The following RBFOX1 variants were observed in gnomAD, a reference collection of about 807,000 sequenced individuals.
The protein encoded by RBFOX1 is RNA binding protein fox-1 homolog 1.
RBFOX1 carries 8 observed loss-of-function variants against 57.7 expected under a neutral mutation model. That is an observed-to-expected ratio of 0.14 (90% CI 0.08 to 0.25). The LOEUF is 0.25. RBFOX1 is among the 10% of genes least tolerant of loss of function. The pLI is 1.00. For missense variants in RBFOX1, 611 were observed against 548.5 expected (o/e 1.11, Z -1.14); for synonymous variants, 326 against 222.4 (o/e 1.47, Z -4.15).
chr16:7,702,195 T>G (rs1045403158), intron 14 of RBFOX1, among the ~76,000 whole-genome samples: 1 of 152,228 alleles, frequency 6.6e-6, no homozygotes, highest in Non-Finnish European at 1.5e-5. Context: ...GGTTGTGTGG[T>G]AAATATTTAT....
chr16:7,376,703 T>C (rs890120168), intron 4 of RBFOX1, among the ~76,000 whole-genome samples: 4 of 152,190 alleles, frequency 2.6e-5, no homozygotes, highest in East Asian at 1.9e-4. Context: ...GAATTTTTTT[T>C]CCAAAGTACA....
chr16:6,487,743 AT>A (rs1567405837), intron 2 of RBFOX1, among the ~76,000 whole-genome samples: 35 of 74,782 alleles, frequency 4.7e-4, no homozygotes, highest in African/African-American at 1.1e-3. Flanking sequence ...ATATATATAT[AT>A]ATATATATAT....
chr16:5,878,784 T>G (rs1396141489), intron 4 of RBFOX1, among the ~76,000 whole-genome samples: 2 of 152,164 alleles, frequency 1.3e-5, no homozygotes, highest in Non-Finnish European at 2.9e-5. Context: ...GTTTAGATCG[T>G]TTCTGGTAAA....
intron 4 of RBFOX1, among the ~76,000 whole-genome samples, chr16:7,063,738 G>A (rs369025616): frequency 6.6e-6 from 1 of 152,122 alleles, no homozygotes; most frequent in African/African-American, 2.4e-5. Flanking sequence ...GGGTCTGCAC[G>A]GAACATGTGC....
chr16:7,480,340 C>G (rs558105130), intron 4 of RBFOX1, among the ~76,000 whole-genome samples: 1 of 152,288 alleles, frequency 6.6e-6, no homozygotes, highest in East Asian at 1.9e-4. Context: ...TCAACCTGAG[C>G]TGGTAGCACT....
At chr16:6,798,198 A>G (rs1443216783) in intron 3 of RBFOX1, among the ~76,000 whole-genome samples, 1 of 152,156 alleles carries the variant, frequency 6.6e-6, no homozygotes, top group Admixed American at 6.5e-5. Flanking sequence ...TCGTGTCCCT[A>G]AGAGAAACTG....
chr16:6,006,091 T>G (rs558640607), intron 4 of RBFOX1, among the ~76,000 whole-genome samples: 1 of 152,366 alleles, frequency 6.6e-6, no homozygotes, highest in Non-Finnish European at 1.5e-5. Context: ...ATTCATTAGA[T>G]AAGTGGTGTG....
intron 4 of RBFOX1, among the ~76,000 whole-genome samples, chr16:7,056,476 A>G (rs1185163192): frequency 1.3e-5 from 2 of 152,212 alleles, no homozygotes; most frequent in Non-Finnish European, 2.9e-5. Context: ...TTCTAGCATC[A>G]GCACAGGTTA....
Position 6,176,025 on chromosome 16 carries a change from A to C in RBFOX1, c.-126-140970A>C, listed in dbSNP as rs1016688097. Among the ~76,000 whole-genome samples the C allele has an allele frequency of 3.9e-5, 6 of 152,268 alleles. No individual in the cohort carries two copies. In the South Asian group the frequency reaches 1.2e-3, roughly 32 times the overall value. ...TATTTCTTTTTCCCACAAGCTTTCCAGGGGAGGCTAATGGACCACCAGGCT... is the reference window on the plus strand; with the variant it reads ...TATTTCTTTTTCCCACAAGCTTTCCCGGGGAGGCTAATGGACCACCAGGCT... On this transcript the variant is annotated intron_variant, in intron 1 of 15. Coordinates refer to ENST00000550418, the MANE Select transcript of RBFOX1 (RefSeq NM_018723.4).
chr16:5,596,130 G>A (rs902382226), intron 2 of RBFOX1, among the ~76,000 whole-genome samples: 1 of 152,114 alleles, frequency 6.6e-6, no homozygotes, highest in South Asian at 2.1e-4. Context: ...GGAAGGGGCT[G>A]GAAAGTGTGG....
chr16:7,341,084 C>G (rs2096881776), intron 4 of RBFOX1, among the ~76,000 whole-genome samples: 1 of 152,070 alleles, frequency 6.6e-6, no homozygotes, highest in Non-Finnish European at 1.5e-5. Flanking sequence ...AGTGCTTTTC[C>G]TGGGTGATTT....
intron 3 of RBFOX1, among the ~76,000 whole-genome samples, chr16:5,815,417 A>T (rs976115266): frequency 6.6e-6 from 1 of 152,096 alleles, no homozygotes; most frequent in Non-Finnish European, 1.5e-5. Flanking sequence ...AGATCCCATG[A>T]TTAGAACAGG....
intron 2 of RBFOX1, chr16:6,483,985 G>A (rs1013881678): frequency 1.7e-5 from 17 of 1,015,396 alleles, no homozygotes; most frequent in Non-Finnish European, 2.0e-5. Context: ...GTGCCCCGTG[G>A]TGGGGGTGGT....
intron 2 of RBFOX1, among the ~76,000 whole-genome samples, chr16:6,647,923 C>T (rs1325711518): frequency 6.6e-6 from 1 of 152,146 alleles, no homozygotes; most frequent in Non-Finnish European, 1.5e-5. Context: ...CTTACTGCAA[C>T]ATCAGTCTAC....
At chr16:7,288,540 C>A (rs1057201507) in intron 4 of RBFOX1, among the ~76,000 whole-genome samples, 1 of 152,150 alleles carries the variant, frequency 6.6e-6, no homozygotes, top group African/African-American at 2.4e-5. Flanking sequence ...CTAAGTAATT[C>A]TTAACTGTGC....
chr16:7,135,063 G>A (rs376420501), intron 4 of RBFOX1, among the ~76,000 whole-genome samples: 2 of 152,012 alleles, frequency 1.3e-5, no homozygotes, highest in African/African-American at 4.8e-5. Context: ...AATAAAGAAG[G>A]TTTTAAAACT....
chr16:5,878,106 A>C (rs1243095942), intron 4 of RBFOX1, among the ~76,000 whole-genome samples: 3 of 152,082 alleles, frequency 2.0e-5, no homozygotes, highest in Non-Finnish European at 4.4e-5. Context: ...TAGCAAAGAG[A>C]TTGCTTTGGA....
intron 3 of RBFOX1, among the ~76,000 whole-genome samples, chr16:6,671,290 C>A (rs1568143993): frequency 6.6e-6 from 1 of 151,966 alleles, no homozygotes; most frequent in Non-Finnish European, 1.5e-5. Flanking sequence ...TATTATGCGG[C>A]TATTAAAAAT....
intron 4 of RBFOX1, among the ~76,000 whole-genome samples, chr16:7,077,981 C>T (rs1357729335): frequency 2.6e-5 from 4 of 152,160 alleles, no homozygotes; most frequent in African/African-American, 4.8e-5. Context: ...GTGCTGTCTC[C>T]TGAGTTACTC....
Sources: gnomAD v4.1 joint callset for allele counts (sites outside exome capture counted in the v4.1 genomes callset) on GRCh38, gnomAD v4.1.1 for gene constraint, MANE v1.5 for transcripts, NCBI Gene and HGNC (gene_info 2026-07-23, HGNC 2026-07-21) for gene names.